The following ERBIN variants were observed in gnomAD, a reference collection of about 807,000 sequenced individuals.
The protein encoded by ERBIN is densin-180-like protein.
A neutral mutation model predicts 158.4 loss-of-function variants in ERBIN; 60 were observed. The observed-to-expected ratio is 0.38, with a 90% CI of 0.31 to 0.47. The LOEUF is 0.47. Among genes scored for constraint, ERBIN ranks in the 20% least tolerant of loss-of-function variants. The pLI is 0.99. For missense variants in ERBIN, 1,610 were observed against 1,648.0 expected (o/e 0.98, Z 0.40); for synonymous variants, 594 against 557.2 (o/e 1.07, Z -0.93).
chr5:66,018,252 A>G (rs998930838), intron 7 of ERBIN, among the ~76,000 whole-genome samples: 1 of 149,728 alleles, frequency 6.7e-6, no homozygotes, highest in Admixed American at 6.8e-5. Context: ...GAATCTGTAC[A>G]TTGCTTTGGA....
intron 1 of ERBIN, among the ~76,000 whole-genome samples, chr5:65,966,321 A>C (rs966702587): frequency 2.0e-5 from 3 of 152,204 alleles, no homozygotes; most frequent in Admixed American, 2.0e-4. Context: ...ATGACAGTAA[A>C]CAACTGTTAC....
chr5:66,026,065 T>C, intron 12 of ERBIN, 88 bp downstream of exon 12: 1 of 1,158,456 alleles, frequency 8.6e-7, no homozygotes, highest in Admixed American at 3.0e-5. Flanking sequence ...GCTTCATTTA[T>C]TTTCTTTCTA....
In ERBIN at chr5:66,082,001, C is replaced by T. The variant is rs759656000; in HGVS notation, c.*3471C>T. 3.3e-5 allele frequency: 5 copies of T among 152,038 alleles called. No homozygotes were observed. The highest frequency in any genetic ancestry group is 7.4e-5 in the Non-Finnish European group (5 of 67,992). The allele number at this position is 152,038 out of a possible 1,614,324, so 9.4% of individuals were successfully genotyped here. A position where few individuals can be genotyped will look rare whatever the true frequency, so the allele number is the denominator to read the frequency against. Reference sequence around the variant, plus strand: ...ACCTTCAGAAAAAGTTGACCATATTCTACCTAAAGCTGCTAATTCTTTACA... The same window carrying T: ...ACCTTCAGAAAAAGTTGACCATATTTTACCTAAAGCTGCTAATTCTTTACA... On this transcript the variant is annotated 3_prime_UTR_variant, in exon 26 of 26. Transcript: ENST00000284037.
rs1561304820 is a variant in ERBIN at position 65,965,379 on chromosome 5, G to GTTTTTTTT, written c.-57-23254_-57-23253insTTTTTTTT. On this transcript the variant is annotated intron_variant, in intron 1 of 25. Transcript: ENST00000284037. ...GCTGTTCTTACCAGATTTGTTTTTT[G>GTTTTTTTT]TTGTTTTTTTTTTTTTTTTTTTTTT... Among the ~76,000 whole-genome samples the GTTTTTTTT allele has an allele frequency of 2.2e-4, 23 of 103,660 alleles. 1 individual carries two copies. The highest frequency in any genetic ancestry group is 1.7e-3 in the Admixed American group (14 of 8,260). 68.0% of individuals were successfully genotyped at this position (103,660 alleles called of 152,430 possible).
chr5:65,978,322 T>C (rs938946250), intron 1 of ERBIN, among the ~76,000 whole-genome samples: 3 of 152,190 alleles, frequency 2.0e-5, no homozygotes, highest in African/African-American at 7.2e-5. Flanking sequence ...GTTAATTCTG[T>C]CTGAGATGTT....
intron 1 of ERBIN, among the ~76,000 whole-genome samples, chr5:65,965,316 TC>T (rs1406369513): frequency 6.6e-6 from 1 of 151,480 alleles, no homozygotes; most frequent in East Asian, 1.9e-4. Context: ...TTATACCTTC[TC>T]TTTTGGCTGG....
At position 66,050,838 on chromosome 5, in the gene ERBIN, GAAT is replaced by G. The variant is rs1758945818; in HGVS notation, c.1962_1964del (p.Asn655del). The G allele has an allele frequency of 1.3e-6, 2 of 1,599,610 alleles. No individual in the cohort carries two copies. Among genetic ancestry groups the G allele is most frequent in the East Asian group, 4.5e-5 (2 of 43,994 alleles). Reference sequence around the variant, plus strand: ...ATGAAGTTACACACAATAGCAATCAGAATAACAGCAATTGTTCTTCTCCATCTC... The same window carrying G: ...ATGAAGTTACACACAATAGCAATCAGAACAGCAATTGTTCTTCTCCATCTC... On this transcript the variant is annotated inframe_deletion, in exon 20 of 26. Transcript: ENST00000284037.
chr5:66,060,325 G>A (rs552855778), intron 21 of ERBIN, among the ~76,000 whole-genome samples: 163 of 152,256 alleles, frequency 1.1e-3, no homozygotes, highest in African/African-American at 3.4e-3. Flanking sequence ...GTTTATTTGC[G>A]TAGAGGTGTT....
intron 1 of ERBIN, among the ~76,000 whole-genome samples, chr5:65,987,571 T>TC (rs1308287871): frequency 6.6e-6 from 1 of 151,616 alleles, no homozygotes; most frequent in African/African-American, 2.4e-5. Flanking sequence ...CAAAAAAAAG[T>TC]CCAGGCGTGG....
rs112423953 is a variant in ERBIN at position 66,068,834 on chromosome 5, A to G, written c.3634-3335A>G. On this transcript the variant is annotated intron_variant, in intron 21 of 25. Coordinates refer to ENST00000284037, the MANE Select transcript of ERBIN (RefSeq NM_001253697.2). ...ATATAACATGTCTCGTGGATTTTGC[A>G]TGCTACACTAATCTCTGTTAAATCT... 1.8e-5 allele frequency: 27 copies of G among 1,477,180 alleles called. No individual in the cohort carries two copies. The African/African-American group carries it at 1.9e-4, about 11-fold the overall frequency. The allele number at this position is 1,477,180 out of a possible 1,614,324, so 91.5% of individuals were successfully genotyped here.
chr5:65,977,075 A>G (rs1400681615), intron 1 of ERBIN, among the ~76,000 whole-genome samples: 1 of 151,672 alleles, frequency 6.6e-6, no homozygotes, highest in African/African-American at 2.4e-5. Context: ...GGGGCTCCTC[A>G]CTTCCCAGTA....
chr5:65,926,687 C>G lies in ERBIN; in HGVS notation c.-177C>G, dbSNP rs1742688703. The G allele has an allele frequency of 6.6e-6, 1 of 151,960 alleles. No individual in the cohort carries two copies. The highest frequency in any genetic ancestry group is 1.5e-5 in the Non-Finnish European group (1 of 68,002). 9.4% of individuals were successfully genotyped at this position (151,960 alleles called of 1,614,324 possible). A position where few individuals can be genotyped will look rare whatever the true frequency, so the allele number is the denominator to read the frequency against. Reference sequence around the variant, plus strand: ...TACTCTTCTTCTGTGGGAGGCCAGTCCACATCCGCTCTCACCCGAGAGAGA... The same window carrying G: ...TACTCTTCTTCTGTGGGAGGCCAGTGCACATCCGCTCTCACCCGAGAGAGA... On this transcript the variant is annotated 5_prime_UTR_variant, in exon 1 of 26. Coordinates refer to ENST00000284037, the MANE Select transcript of ERBIN (RefSeq NM_001253697.2).
chr5:65,963,980 T>G (rs935136559), intron 1 of ERBIN, among the ~76,000 whole-genome samples: 2 of 152,066 alleles, frequency 1.3e-5, no homozygotes, highest in African/African-American at 4.8e-5. Context: ...TTTGTATTTT[T>G]AGTAGAGACG....
At chr5:65,929,782 A>G (rs904847392) in intron 1 of ERBIN, among the ~76,000 whole-genome samples, 3 of 151,942 alleles carry the variant, frequency 2.0e-5, no homozygotes, top group African/African-American at 7.3e-5. Flanking sequence ...CTGGGATTAC[A>G]AGCGCACATC....
chr5:66,053,908 G>T lies in ERBIN; in HGVS notation c.2590G>T (p.Val864Phe). The T allele has an allele frequency of 6.2e-7, 1 of 1,614,140 alleles. No individual in the cohort carries two copies. The highest frequency in any genetic ancestry group is 1.1e-5 in the South Asian group (1 of 91,082). Residue 864 changes from valine (V) to phenylalanine (F), a missense_variant, in exon 21 of 26, where the codon GTT (valine) becomes TTT (phenylalanine). Physicochemically the swap from Val to Phe is conservative, Grantham distance 50. This residue lies in a region of ERBIN where 1,014 missense variants were observed against 936.1 expected (regional missense o/e 1.08). Transcript: ENST00000284037. ...EDLSPQKSGPVGSVVKSHSIT... is the reference protein window; with the variant it reads ...EDLSPQKSGPFGSVVKSHSIT... ...TCTCTCCCCTCAGAAAAGTGGTCCA[G>T]TTGGATCTGTTGTGAAATCTCATAG...
intron 5 of ERBIN, among the ~76,000 whole-genome samples, chr5:66,012,802 A>G (rs1478990558): frequency 6.6e-6 from 1 of 152,210 alleles, no homozygotes; most frequent in Non-Finnish European, 1.5e-5. Context: ...TTGTTTCATA[A>G]TCAACAAAAA....
intron 1 of ERBIN, among the ~76,000 whole-genome samples, chr5:65,977,047 G>C (rs1270472873): frequency 6.6e-6 from 1 of 152,200 alleles, no homozygotes; most frequent in African/African-American, 2.4e-5. Context: ...CTCGCAGATG[G>C]GGTGGTGGCC....
At chr5:65,987,199 C>G (rs1250067146) in intron 1 of ERBIN, among the ~76,000 whole-genome samples, 1 of 152,050 alleles carries the variant, frequency 6.6e-6, no homozygotes, top group Non-Finnish European at 1.5e-5. Flanking sequence ...ATGGAAAGCT[C>G]AAAAGTGGTA....
intron 23 of ERBIN, among the ~76,000 whole-genome samples, chr5:66,075,473 A>G (rs1761902187): frequency 6.6e-6 from 1 of 152,174 alleles, no homozygotes; most frequent in Non-Finnish European, 1.5e-5. Flanking sequence ...TCTTTACCAA[A>G]ACTGGTTGAT....
Sources: allele counts gnomAD v4.1 joint callset (sites outside exome capture counted in the v4.1 genomes callset), GRCh38; gene constraint gnomAD v4.1.1; regional missense constraint gnomAD v4.1.1; transcripts MANE v1.5; gene names NCBI Gene and HGNC (gene_info 2026-07-23, HGNC 2026-07-21).